Variants in UPF1 observed in about 807,000 individuals in gnomAD.
UPF1 encodes the protein regulator of nonsense transcripts 1.
In UPF1, 9 loss-of-function variants were observed where a neutral mutation model predicts 129.2. That is an observed-to-expected ratio of 0.07 (90% CI 0.04 to 0.12). The LOEUF is 0.12. Among genes scored for constraint, UPF1 ranks in the 10% least tolerant of loss-of-function variants. The pLI, the probability that UPF1 is intolerant of heterozygous loss-of-function variation, is 1.00. For missense variants in UPF1, 788 were observed against 1,525.3 expected (o/e 0.52, Z 8.05); for synonymous variants, 649 against 644.9 (o/e 1.01, Z -0.10).
chr19:18,845,940 A>G, intron 1 of UPF1, 40 bp from the exon 2 acceptor site: 1 of 1,609,334 alleles, frequency 6.2e-7, no homozygotes, highest in Non-Finnish European at 8.5e-7. Context: ...GAGTCCTGGA[A>G]GCTGCAGCCT....
rs1009783311 is a variant in UPF1, at chr19:18,866,547, G to A, written c.*30G>A. 130 of 201,604 alleles carry A rather than the reference G, an allele frequency of 6.4e-4. No homozygotes were observed. Among genetic ancestry groups the A allele is most frequent in the African/African-American group, 2.9e-3 (125 of 43,108 alleles). The allele number at this position is 201,604 out of a possible 1,614,324, so 12.5% of individuals were successfully genotyped here. On this transcript the variant is annotated 3_prime_UTR_variant, in exon 24 of 24. Coordinates refer to ENST00000262803, the MANE Select transcript of UPF1 (RefSeq NM_002911.4). Reference sequence around the variant, plus strand: ...TGGCGGCGGAAGAGCTAAGCAACGTGGCTTAGTCCATCAGCATCTTATTCT... The same window carrying A: ...TGGCGGCGGAAGAGCTAAGCAACGTAGCTTAGTCCATCAGCATCTTATTCT...
chr19:18,860,500 C>A, intron 16 of UPF1, 62 bp downstream of exon 16: 1 of 1,523,720 alleles, frequency 6.6e-7, no homozygotes, highest in Non-Finnish European at 9.0e-7. Context: ...AGGTTGTTGA[C>A]CCATTCTACT....
At chr19:18,855,562 T>TG in intron 11 of UPF1, 1 of 511,254 alleles carries the variant, frequency 2.0e-6, no homozygotes, top group South Asian at 2.2e-5. Context: ...TTGCTTGCGG[T>TG]GGGTAGAGCT....
rs966424525 is a variant in UPF1, at chr19:18,841,018, G to A, written c.232-4962G>A. On this transcript the variant is annotated intron_variant, in intron 1 of 23. Coordinates refer to ENST00000262803, the MANE Select transcript of UPF1 (RefSeq NM_002911.4). ...GAGTGCAGGCTCCTGGCGGCCCTGG[G>A]AGAGGGGGTTGCAGATCCCAGGCAG... Among the ~76,000 whole-genome samples, 36 of 152,344 alleles carry A rather than the reference G, an allele frequency of 2.4e-4. 1 individual carries two copies. The highest frequency in any genetic ancestry group is 7.7e-4 in the African/African-American group (32 of 41,576).
In UPF1 at chr19:18,865,716, A is replaced by G; in HGVS notation, c.3175A>G (p.Ile1059Val). 5.0e-6 allele frequency: 8 copies of G among 1,613,522 alleles called. No individual in the cohort carries two copies. The highest frequency in any genetic ancestry group is 6.8e-6 in the Non-Finnish European group (8 of 1,180,004). Residue 1059 changes from isoleucine to valine, a missense_variant, in exon 22 of 24, where the codon ATC (isoleucine) becomes GTC (valine). Physicochemically the swap from Ile to Val is conservative, Grantham distance 29. Coordinates refer to ENST00000262803, the MANE Select transcript of UPF1 (RefSeq NM_002911.4). This position sits in a 1 kb window ranked among gnomAD's most constrained non-coding sequence, Gnocchi z 6.1. Reference protein sequence around the residue: ...FSQGALTQGYISMSQPSQMSQ... With the variant: ...FSQGALTQGYVSMSQPSQMSQ... ...TCAGGGCGCCCTGACGCAGGGCTAC[A>G]TCTCCATGAGCCAGCCTTCCCAGAT...
intron 15 of UPF1, among the ~76,000 whole-genome samples, chr19:18,859,198 C>A (rs185725365): frequency 6.6e-6 from 1 of 152,190 alleles, no homozygotes; most frequent in Admixed American, 6.5e-5. Context: ...CGTGGCTCGG[C>A]GCAGGCTCAG....
At chr19:18,856,361 G>A in intron 13 of UPF1, 61 bp downstream of exon 13, 2 of 1,471,186 alleles carry the variant, frequency 1.4e-6, no homozygotes, top group South Asian at 1.2e-5. Context: ...GTTTTTGTTT[G>A]GGCCAAAGCA....
At chr19:18,857,236 T>C in intron 14 of UPF1, 84 bp from the exon 15 acceptor site, 3 of 1,516,076 alleles carry the variant, frequency 2.0e-6, no homozygotes, top group Non-Finnish European at 2.7e-6. Flanking sequence ...CTGTGCATCC[T>C]GGGGCCCCTA....
rs1446521418 is a variant in UPF1, at chr19:18,855,156, A to G, written c.1458A>G (p.Pro486=). The part of the protein sequence containing the change: ...VYAVKTVLQR[P]LSLIQGPPGT... ...CCGTGAAGACTGTGCTGCAAAGACC[A>G]CTGAGCCTGATCCAGGGCCCGCCAG... Residue 486 remains proline (P), a synonymous_variant, in exon 11 of 24, where the codon CCA becomes CCG. Coordinates refer to ENST00000262803, the MANE Select transcript of UPF1 (RefSeq NM_002911.4). 6.2e-7 allele frequency: 1 copy of G among 1,613,880 alleles called. No individual in the cohort carries two copies. The highest frequency in any genetic ancestry group is 8.5e-7 in the Non-Finnish European group (1 of 1,179,964).
chr19:18,856,034 A>G lies in UPF1; in HGVS notation c.1654A>G (p.Ile552Val), dbSNP rs1193747101. Residue 552 changes from isoleucine to valine, a missense_variant, in exon 12 of 24, where the codon ATC becomes GTC. Ile to Val is a conservative substitution (Grantham distance 29). Coordinates refer to ENST00000262803, the MANE Select transcript of UPF1 (RefSeq NM_002911.4). ...CCTCTGCGCCAAGAGCCGTGAGGCC[A>G]TCGACTCCCCGGTGTCTTTTCTGGC... ...VRLCAKSREA[I>V]DSPVSFLALH... The G allele has an allele frequency of 5.0e-6, 8 of 1,614,000 alleles. No homozygotes were observed. The highest frequency in any genetic ancestry group is 6.8e-6 in the Non-Finnish European group (8 of 1,180,042).
chr19:18,856,848 TGCC>T (rs2055724062), intron 13 of UPF1, 26 bp from the exon 14 acceptor site: 1 of 1,596,900 alleles, frequency 6.3e-7, no homozygotes, highest in East Asian at 2.2e-5. Context: ...ACAGTGCAGG[TGCC>T]CTGATGCCTC....
chr19:18,840,377 C>T (rs1390966568), intron 1 of UPF1, among the ~76,000 whole-genome samples: 2 of 152,168 alleles, frequency 1.3e-5, no homozygotes, highest in Non-Finnish European at 2.9e-5. Flanking sequence ...GTCCATAATT[C>T]CCCAGGCTGA....
chr19:18,837,456 G>T (rs140085320), intron 1 of UPF1, among the ~76,000 whole-genome samples: 1 of 152,208 alleles, frequency 6.6e-6, no homozygotes, highest in African/African-American at 2.4e-5. Context: ...GTGTGTGTAC[G>T]CAGGGCTGCG....
chr19:18,863,392 C>A, intron 18 of UPF1, 46 bp from the exon 19 acceptor site: 1 of 1,592,914 alleles, frequency 6.3e-7, no homozygotes, highest in Non-Finnish European at 8.6e-7. Context: ...TCCTGTGAGA[C>A]GGGCAGCTCT....
At chr19:18,855,436 C>T in intron 11 of UPF1, 194 bp downstream of exon 11, 1 of 668,688 alleles carries the variant, frequency 1.5e-6, no homozygotes, top group East Asian at 2.8e-5. Flanking sequence ...ATTTTAGTAA[C>T]CAGGTCTGCT....
intron 1 of UPF1, among the ~76,000 whole-genome samples, chr19:18,841,392 G>A (rs545117307): frequency 2.7e-4 from 41 of 152,280 alleles, no homozygotes; most frequent in South Asian, 4.1e-4. Context: ...AGAAAAGGGC[G>A]CCTGTCCTGA....
rs73001386 is a variant in UPF1, at chr19:18,866,176, C to A, written c.*3+10C>A. The A allele has an allele frequency of 1.9e-6, 3 of 1,581,050 alleles. No homozygotes were observed. Among genetic ancestry groups the A allele is most frequent in the Non-Finnish European group, 1.7e-6 (2 of 1,163,208 alleles). ...GTCCCAGTATTAAAAGGCAAGCCCCCCTGGAGCAGGCCTGGCCCCACCCCA... is the reference window on the plus strand; with the variant it reads ...GTCCCAGTATTAAAAGGCAAGCCCCACTGGAGCAGGCCTGGCCCCACCCCA... On this transcript the variant is annotated intron_variant, in intron 23 of 23. Transcript: ENST00000262803.
Position 18,865,568 on chromosome 19 carries a change from C to T in UPF1, c.3027C>T (p.Gly1009=). The stretch of plus-strand genomic sequence containing the variant: ...TGGACTGCTGTCTTTCAGGGCGAGG[C>T]ACCCCGAAAGGCAAGACTGGTCGTG... ...GQANGPAAGR[G]TPKGKTGRGG... The change falls in exon 22 of 24, where the codon GGC becomes GGT. Residue 1009 remains glycine, a synonymous_variant. Transcript: ENST00000262803. The surrounding 1 kb of genome is among the most constrained non-coding windows in gnomAD (Gnocchi z 6.1). 1 of 1,613,950 alleles carries T rather than the reference C, an allele frequency of 6.2e-7. No homozygotes were observed. The highest frequency in any genetic ancestry group is 8.5e-7 in the Non-Finnish European group (1 of 1,180,048).
intron 1 of UPF1, among the ~76,000 whole-genome samples, chr19:18,844,193 C>T (rs1601101730): frequency 6.7e-6 from 1 of 150,164 alleles, no homozygotes. Flanking sequence ...TTAGAGACTC[C>T]AGCTCTGGGG....
Sources: allele counts gnomAD v4.1 joint callset (sites outside exome capture counted in the v4.1 genomes callset), GRCh38; gene constraint gnomAD v4.1.1; non-coding constraint Gnocchi (gnomAD v3.1); transcripts MANE v1.5; gene names NCBI Gene and HGNC (gene_info 2026-07-23, HGNC 2026-07-21).